The following DTL variants were observed in gnomAD, a reference collection of about 807,000 sequenced individuals.
DTL encodes the protein denticleless E3 ubiquitin protein ligase adapter.
Under a neutral mutation model 87.0 loss-of-function variants are expected in DTL, and 46 were observed. The observed-to-expected ratio is 0.53, with a 90% CI of 0.42 to 0.68. The LOEUF is 0.68. Ranked by LOEUF, DTL falls within the 30% of genes least tolerant of loss-of-function variation. The pLI is 0.00. For synonymous variants in DTL, 308 were observed against 311.2 expected (o/e 0.99, Z 0.11); for missense variants, 737 against 869.4 (o/e 0.85, Z 1.91).
intron 5 of DTL, 91 bp from the exon 6 acceptor site, chr1:212,062,793 C>T (rs1392306500): frequency 7.2e-6 from 7 of 969,106 alleles, no homozygotes; most frequent in Non-Finnish European, 1.0e-5. Flanking sequence ...GTACCTAGCA[C>T]ATAATAGATA....
chr1:212,040,027 T>A (rs1033756859), intron 1 of DTL, among the ~76,000 whole-genome samples: 3 of 152,232 alleles, frequency 2.0e-5, no homozygotes, highest in African/African-American at 7.2e-5. Flanking sequence ...AAATTAACCT[T>A]AGCTTACTGT....
At chr1:212,078,074 C>T (rs1480623024) in intron 11 of DTL, 99 bp from the exon 12 acceptor site, 6 of 633,002 alleles carry the variant, frequency 9.5e-6, no homozygotes, top group African/African-American at 3.8e-5. Context: ...CCTTTGGTAA[C>T]AATCCTAAAG....
At chr1:212,084,163 T>C (rs1161682463) in intron 13 of DTL, among the ~76,000 whole-genome samples, 2 of 152,000 alleles carry the variant, frequency 1.3e-5, no homozygotes, top group African/African-American at 4.8e-5. Context: ...TGCTGCCTTA[T>C]TTGTTTTTGC....
At chr1:212,060,734 C>CAA (rs36050858) in intron 5 of DTL, among the ~76,000 whole-genome samples, 66 of 90,552 alleles carry the variant, frequency 7.3e-4, no homozygotes, top group South Asian at 5.7e-3. Context: ...GACTCAGTCT[C>CAA]AAAAAAAAAA....
rs774302156 is a variant in DTL at position 212,062,880 on chromosome 1, A to C, written c.461-4A>C. 2 of 1,612,006 alleles carry C rather than the reference A, an allele frequency of 1.2e-6. No individual in the cohort carries two copies. Among genetic ancestry groups the C allele is most frequent in the South Asian group, 2.2e-5 (2 of 90,976 alleles). The stretch of plus-strand genomic sequence containing the variant: ...CTCTTAATAATCTGTTTATTTCCCC[A>C]CAGCTGTATTCTGTACGGGTGGAAG... On this transcript the variant is annotated splice_polypyrimidine_tract_variant and splice_region_variant and intron_variant, in intron 5 of 14. Transcript: ENST00000366991.
At chr1:212,087,079 C>T (rs920997007) in intron 13 of DTL, among the ~76,000 whole-genome samples, 1 of 152,170 alleles carries the variant, frequency 6.6e-6, no homozygotes, top group Non-Finnish European at 1.5e-5. Flanking sequence ...TTCTAAGGAC[C>T]TACTTGGATT....
chr1:212,084,464 G>T (rs1171860631), intron 13 of DTL, among the ~76,000 whole-genome samples: 3 of 152,028 alleles, frequency 2.0e-5, no homozygotes, highest in Admixed American at 1.3e-4. Flanking sequence ...GGGATTACAG[G>T]CGTGAGCCAC....
At chr1:212,036,112 C>G (rs1015878790) in intron 1 of DTL, among the ~76,000 whole-genome samples, 170 bp downstream of exon 1, 1 of 152,178 alleles carries the variant, frequency 6.6e-6, no homozygotes, top group African/African-American at 2.4e-5. Context: ...GTACTTTCAT[C>G]CCCTCGGGAC....
intron 13 of DTL, among the ~76,000 whole-genome samples, chr1:212,093,357 A>G (rs1484798095): frequency 1.3e-5 from 2 of 152,188 alleles, no homozygotes; most frequent in East Asian, 1.9e-4. Flanking sequence ...AACCAGCTCT[A>G]TTAGACCCCT....
chr1:212,080,894 G>A (rs1654972046), intron 13 of DTL, 144 bp downstream of exon 13: 1 of 867,736 alleles, frequency 1.2e-6, no homozygotes, highest in Admixed American at 2.8e-5. Context: ...TTTTTGATAA[G>A]TATTTCCCAA....
chr1:212,080,828 T>C, intron 13 of DTL, 78 bp downstream of exon 13: 1 of 1,437,272 alleles, frequency 7.0e-7, no homozygotes, highest in South Asian at 1.3e-5. Flanking sequence ...TAAGCTAGAT[T>C]TGATCTTGCT....
In DTL at chr1:212,044,033, G is replaced by A. The variant is rs28676621; in HGVS notation, c.179-627G>A. 8.0e-3 allele frequency among the ~76,000 whole-genome samples: 1,214 copies of A among 152,224 alleles called. 16 individuals carry two copies. The highest frequency in any genetic ancestry group is 0.027 in the African/African-American group (1,140 of 41,510). On this transcript the variant is annotated intron_variant, in intron 2 of 14. Coordinates refer to ENST00000366991, the MANE Select transcript of DTL (RefSeq NM_016448.4). ...GAACCTGGGAGGCGGAAGTTGCAGT[G>A]AGCTGAGATCACGCCACTGCATTCC...
intron 5 of DTL, among the ~76,000 whole-genome samples, chr1:212,060,628 G>A (rs969654802): frequency 6.6e-6 from 1 of 151,772 alleles, no homozygotes; most frequent in Non-Finnish European, 1.5e-5. Context: ...CCAGCTGCTT[G>A]GAAGGCTGAG....
At chr1:212,046,431 G>GTTC (rs1308865013) in intron 3 of DTL, among the ~76,000 whole-genome samples, 1 of 152,128 alleles carries the variant, frequency 6.6e-6, no homozygotes, top group Admixed American at 6.5e-5. Context: ...TTTTCCTGAT[G>GTTC]TTCTCCCTCT....
chr1:212,054,089 C>T (rs1440123661), intron 5 of DTL, among the ~76,000 whole-genome samples: 2 of 152,168 alleles, frequency 1.3e-5, no homozygotes, highest in African/African-American at 4.8e-5. Flanking sequence ...GTCACACCTA[C>T]AGGAGGGCAG....
intron 5 of DTL, among the ~76,000 whole-genome samples, chr1:212,055,680 G>T (rs1282314373): frequency 6.6e-6 from 1 of 152,162 alleles, no homozygotes; most frequent in Non-Finnish European, 1.5e-5. Flanking sequence ...ACCCCACTCT[G>T]CATGTCAGTA....
At chr1:212,046,803 C>T (rs1279563454) in intron 3 of DTL, among the ~76,000 whole-genome samples, 1 of 152,088 alleles carries the variant, frequency 6.6e-6, no homozygotes, top group Non-Finnish European at 1.5e-5. Context: ...TGGGTATATA[C>T]CCAGTAATGG....
intron 13 of DTL, among the ~76,000 whole-genome samples, chr1:212,093,703 T>C (rs1420876801): frequency 5.9e-5 from 9 of 152,210 alleles, no homozygotes; most frequent in Non-Finnish European, 1.0e-4. Flanking sequence ...TGTCTTTCTC[T>C]GCCCATGTGT....
chr1:212,040,660 T>C (rs1333375240), intron 1 of DTL, among the ~76,000 whole-genome samples: 2 of 152,176 alleles, frequency 1.3e-5, no homozygotes, highest in East Asian at 3.9e-4. Flanking sequence ...AGGCTACTAC[T>C]TCCAACTATG....
Sources: allele counts gnomAD v4.1 joint callset (sites outside exome capture counted in the v4.1 genomes callset), GRCh38; gene constraint gnomAD v4.1.1; transcripts MANE v1.5; gene names NCBI Gene and HGNC (gene_info 2026-07-23, HGNC 2026-07-21).